The following CNNM1 variants were observed in gnomAD, a reference collection of about 807,000 sequenced individuals.
CNNM1 encodes metal transporter CNNM1.
Under a neutral mutation model 78.8 loss-of-function variants are expected in CNNM1, and 44 were observed. That is an observed-to-expected ratio of 0.56 (90% CI 0.44 to 0.72). The LOEUF (loss-of-function observed/expected upper bound fraction) is 0.72, where lower values mean the gene tolerates loss of function less well. CNNM1 is among the 30% of genes least tolerant of loss of function. The pLI is 0.00. For missense variants in CNNM1, 1,101 were observed against 1,292.2 expected (o/e 0.85, Z 2.27); for synonymous variants, 584 against 581.5 (o/e 1.00, Z -0.06).
rs183985890 is a variant in CNNM1 at position 99,332,955 on chromosome 10, C to G, written c.1573+1995C>G. Among the ~76,000 whole-genome samples, 17 of 152,298 alleles carry G rather than the reference C, an allele frequency of 1.1e-4. No homozygotes were observed. The East Asian group carries it at 3.3e-3, about 29-fold the overall frequency. On this transcript the variant is annotated intron_variant, in intron 1 of 10. Coordinates refer to ENST00000356713, the MANE Select transcript of CNNM1 (RefSeq NM_020348.3). ...ATCTTACAGAAGTAGGGTCTTAGAT[C>G]TGGGCATTGGGTGGCATAAACCACA...
Position 99,330,587 on chromosome 10 carries a change from G to C in CNNM1, c.1200G>C (p.Thr400=). ...TFYTREKLLE[T]LRAADPYSDL... is the part of the protein sequence containing the mutation. ...ACACGCGGGAGAAGTTGCTGGAGAC[G>C]TTGCGGGCCGCAGACCCCTACAGTG... The change falls in exon 1 of 11, where the codon ACG becomes ACC. Residue 400 remains threonine (T), a synonymous_variant. Coordinates refer to ENST00000356713, the MANE Select transcript of CNNM1 (RefSeq NM_020348.3). 1.2e-6 allele frequency: 2 copies of C among 1,612,006 alleles called. No individual in the cohort carries two copies. The highest frequency in any genetic ancestry group is 1.7e-6 in the Non-Finnish European group (2 of 1,179,120).
At chr10:99,373,702 T>A (rs912581342) in intron 6 of CNNM1, among the ~76,000 whole-genome samples, 1 of 152,056 alleles carries the variant, frequency 6.6e-6, no homozygotes, top group Non-Finnish European at 1.5e-5. Context: ...GTAATTTCTA[T>A]CCCTCACCCT....
rs770888746 is a variant in CNNM1, at chr10:99,330,371, G to C, written c.984G>C (p.Ala328=). Residue 328 remains alanine (A), a synonymous_variant, in exon 1 of 11, where the codon GCG becomes GCC. Coordinates refer to ENST00000356713, the MANE Select transcript of CNNM1 (RefSeq NM_020348.3). ...EEGIHFPWLP[A]LVCTGAVFLG... is the part of the protein sequence containing the mutation. ...GGATCCACTTCCCGTGGCTGCCGGC[G>C]CTCGTGTGCACCGGCGCGGTATTCC... 6.3e-7 allele frequency: 1 copy of C among 1,597,856 alleles called. No individual in the cohort carries two copies. The highest frequency in any genetic ancestry group is 2.3e-5 in the East Asian group (1 of 44,154).
chr10:99,385,857 A>G (rs73328365), intron 7 of CNNM1, among the ~76,000 whole-genome samples: 5,359 of 152,296 alleles, frequency 0.035, 285 homozygotes, highest in African/African-American at 0.12. Flanking sequence ...TTGGCCTTTG[A>G]CTAAACTAGA....
Position 99,329,405 on chromosome 10 carries a change from G to T in CNNM1, c.18G>T (p.Ala6=), listed in dbSNP as rs1376277975. The part of the protein sequence containing the change: MAAAA[A]AAAAVGVRLR... The stretch of plus-strand genomic sequence containing the variant: ...GGTGCAGGATGGCGGCGGCCGCGGC[G>T]GCGGCAGCAGCGGTGGGTGTCAGGC... The change falls in exon 1 of 11, where the codon GCG becomes GCT. Residue 6 remains alanine (A), a synonymous_variant. Coordinates refer to ENST00000356713, the MANE Select transcript of CNNM1 (RefSeq NM_020348.3). 5 of 843,126 alleles carry T rather than the reference G, an allele frequency of 5.9e-6. No homozygotes were observed. Among genetic ancestry groups the T allele is most frequent in the Non-Finnish European group, 8.7e-6 (5 of 572,130 alleles). 52.2% of individuals were successfully genotyped at this position (843,126 alleles called of 1,614,324 possible).
chr10:99,336,956 G>A (rs1214827057), intron 1 of CNNM1, among the ~76,000 whole-genome samples: 2 of 152,042 alleles, frequency 1.3e-5, no homozygotes, highest in Non-Finnish European at 2.9e-5. Flanking sequence ...AAGAACATAA[G>A]ACTTACTAGA....
At chr10:99,358,763 C>G (rs11190072) in intron 2 of CNNM1, among the ~76,000 whole-genome samples, 2 of 151,922 alleles carry the variant, frequency 1.3e-5, no homozygotes, top group African/African-American at 2.4e-5. Flanking sequence ...CTCCCTCCCC[C>G]ACCTCTGCCT....
At chr10:99,333,998 G>A (rs1228543550) in intron 1 of CNNM1, among the ~76,000 whole-genome samples, 1 of 152,178 alleles carries the variant, frequency 6.6e-6, no homozygotes, top group East Asian at 1.9e-4. Flanking sequence ...TCCTTTCATA[G>A]CCTTGCTACT....
At chr10:99,356,600 G>GAAAGAAAGAAAGAAAGAAAGA (rs780076032) in intron 1 of CNNM1, among the ~76,000 whole-genome samples, 13 of 129,444 alleles carry the variant, frequency 1.0e-4, no homozygotes, top group East Asian at 8.8e-4. Flanking sequence ...AAGAAAGAAA[G>GAAAGAAAGAAAGAAAGAAAGA]AAAGAAAAGA....
At chr10:99,340,162 G>T (rs905372657) in intron 1 of CNNM1, among the ~76,000 whole-genome samples, 4 of 152,040 alleles carry the variant, frequency 2.6e-5, no homozygotes, top group Non-Finnish European at 4.4e-5. Context: ...AACTTGTGGG[G>T]TTTTTTTCCT....
rs537618243 is a variant in CNNM1, at chr10:99,334,419, G to A, written c.1573+3459G>A. Among the ~76,000 whole-genome samples the A allele has an allele frequency of 2.1e-4, 32 of 152,264 alleles. 1 individual carries two copies. Among genetic ancestry groups the A allele is most frequent in the African/African-American group, 7.7e-4 (32 of 41,558 alleles). ...TGTAATCCCAGCATTTTGGGAGGGC[G>A]AGGTGGGTGGATCACCTGAGGTCAG... On this transcript the variant is annotated intron_variant, in intron 1 of 10. Transcript: ENST00000356713.
At chr10:99,340,606 G>A (rs1000394716) in intron 1 of CNNM1, among the ~76,000 whole-genome samples, 2 of 152,036 alleles carry the variant, frequency 1.3e-5, no homozygotes, top group Non-Finnish European at 2.9e-5. Flanking sequence ...CCCATGTTTG[G>A]GGATTCTGGG....
At chr10:99,347,456 G>A (rs1466041355) in intron 1 of CNNM1, among the ~76,000 whole-genome samples, 1 of 151,874 alleles carries the variant, frequency 6.6e-6, no homozygotes, top group Non-Finnish European at 1.5e-5. Context: ...GGAGGCGGAG[G>A]TTGCAGTGAG....
Position 99,377,700 on chromosome 10 carries a change from T to C in CNNM1, c.2340+482T>C, listed in dbSNP as rs117422111. ...CATGCTATACTTTTACATGTGATAA[T>C]ATAATTTTATACCTTAAAGTCTAAA... is the stretch of plus-strand genomic sequence containing the variant. On this transcript the variant is annotated intron_variant, in intron 7 of 10. Coordinates refer to ENST00000356713, the MANE Select transcript of CNNM1 (RefSeq NM_020348.3). Among the ~76,000 whole-genome samples the C allele has an allele frequency of 1.3e-4, 20 of 152,342 alleles. 1 individual carries two copies. The East Asian group carries it at 2.9e-3, about 22-fold the overall frequency.
At chr10:99,365,103 A>G in intron 6 of CNNM1, 101 bp downstream of exon 6, 2 of 1,178,114 alleles carry the variant, frequency 1.7e-6, no homozygotes. Context: ...GGCTGGGGCT[A>G]AGACAAATGC....
intron 6 of CNNM1, 92 bp from the exon 7 acceptor site, chr10:99,376,963 C>T: frequency 1.6e-6 from 2 of 1,248,984 alleles, no homozygotes; most frequent in Non-Finnish European, 1.1e-6. Flanking sequence ...TAAACAACAC[C>T]TGTCTCTCCC....
intron 1 of CNNM1, among the ~76,000 whole-genome samples, chr10:99,331,637 C>A (rs569903302): frequency 6.6e-6 from 1 of 152,200 alleles, no homozygotes; most frequent in East Asian, 1.9e-4. Flanking sequence ...GAAGCTGAGG[C>A]GGGAGGATTA....
rs1453406314 is a variant in CNNM1 at position 99,330,045 on chromosome 10, C to T, written c.658C>T (p.Pro220Ser). Residue 220 changes from proline (P) to serine (S), a missense_variant, in exon 1 of 11, where the codon CCC (proline) becomes TCC (serine). Pro to Ser is a moderately conservative substitution (Grantham distance 74, BLOSUM62 -1). Coordinates refer to ENST00000356713, the MANE Select transcript of CNNM1 (RefSeq NM_020348.3). The stretch of plus-strand genomic sequence containing the variant: ...GTACGGCCCAGGCGGGGACCTGCTG[C>T]CCCCTGCGTGGCTGCGGGCGCTCGG... Reference protein sequence around the residue: ...RLYGPGGDLLPPAWLRALGAL... With the variant: ...RLYGPGGDLLSPAWLRALGAL... The T allele has an allele frequency of 1.3e-6, 2 of 1,504,484 alleles. No individual in the cohort carries two copies. The highest frequency in any genetic ancestry group is 1.4e-5 in the African/African-American group (1 of 69,066). 93.2% of individuals were successfully genotyped at this position (1,504,484 alleles called of 1,614,324 possible).
Position 99,394,192 on chromosome 10 carries a change from C to T in CNNM1, c.*2676C>T, listed in dbSNP as rs982119624. 1 of 152,374 alleles carries T rather than the reference C, an allele frequency of 6.6e-6. No homozygotes were observed. Among genetic ancestry groups the T allele is most frequent in the Non-Finnish European group, 1.5e-5 (1 of 68,006 alleles). The allele number at this position is 152,374 out of a possible 1,614,324, so 9.4% of individuals were successfully genotyped here. On this transcript the variant is annotated 3_prime_UTR_variant, in exon 11 of 11. Transcript: ENST00000356713. ...CTATGGAGCCTGTCACCACTCCCCT[C>T]CCTATATACCCCCACCCCACAAAGA...
Sources: allele counts gnomAD v4.1 joint callset (sites outside exome capture counted in the v4.1 genomes callset), GRCh38; gene constraint gnomAD v4.1.1; transcripts MANE v1.5; gene names NCBI Gene and HGNC (gene_info 2026-07-23, HGNC 2026-07-21).